SPAST: variants seen among roughly 807,000 people sequenced by gnomAD.
The protein encoded by SPAST is spastic paraplegia 4 (autosomal dominant; spastin).
SPAST carries 30 observed loss-of-function variants against 76.6 expected under a neutral mutation model. That is an observed-to-expected ratio of 0.39 (90% CI 0.29 to 0.53). The LOEUF is 0.53. Among genes scored for constraint, SPAST ranks in the 20% least tolerant of loss-of-function variants. The pLI is 0.68. For synonymous variants in SPAST, 305 were observed against 281.0 expected (o/e 1.09, Z -0.86); for missense variants, 717 against 770.5 (o/e 0.93, Z 0.82).
At chr2:32,116,096 C>A in intron 6 of SPAST, 23 bp from the exon 7 acceptor site, 1 of 1,550,462 alleles carries the variant, frequency 6.4e-7, no homozygotes, top group Non-Finnish European at 8.9e-7. Flanking sequence ...TATCGTAGAA[C>A]TAACTGAGGT....
chr2:32,089,199 A>ATTTTTTTT (rs375585004), intron 2 of SPAST, among the ~76,000 whole-genome samples: 7 of 89,888 alleles, frequency 7.8e-5, no homozygotes, highest in Admixed American at 2.4e-4. Flanking sequence ...TGCTCGGCTA[A>ATTTTTTTT]TTTTTTTTTT....
intron 1 of SPAST, among the ~76,000 whole-genome samples, chr2:32,069,548 T>TG (rs1676663504): frequency 7.2e-6 from 1 of 139,150 alleles, no homozygotes; most frequent in Non-Finnish European, 1.6e-5. Context: ...CAACATGACT[T>TG]ATCTTTTTTT....
chr2:32,116,319 A>G (rs924962466), intron 7 of SPAST, 107 bp downstream of exon 7: 97 of 739,174 alleles, frequency 1.3e-4, no homozygotes, highest in South Asian at 2.0e-4. Context: ...ATTAATTCAT[A>G]TAAGGTAACA....
intron 1 of SPAST, among the ~76,000 whole-genome samples, chr2:32,076,788 C>G (rs1206971290): frequency 6.6e-6 from 1 of 151,992 alleles, no homozygotes; most frequent in Non-Finnish European, 1.5e-5. Flanking sequence ...ACTCGAGCTC[C>G]TTGGCTTAAG....
At chr2:32,129,868 A>C (rs527699147) in intron 9 of SPAST, 1 of 152,214 alleles carries the variant, frequency 6.6e-6, no homozygotes, top group East Asian at 1.9e-4. Context: ...GTGTGGTGGC[A>C]TGCACCTGTA....
intron 1 of SPAST, among the ~76,000 whole-genome samples, chr2:32,085,126 T>C (rs553624541): frequency 6.6e-6 from 1 of 151,716 alleles, no homozygotes; most frequent in East Asian, 1.9e-4. Flanking sequence ...GTTTTCTTTA[T>C]GGAAAACAGG....
At chr2:32,125,482 C>T (rs1048963236) in intron 7 of SPAST, among the ~76,000 whole-genome samples, 1 of 152,082 alleles carries the variant, frequency 6.6e-6, no homozygotes, top group Non-Finnish European at 1.5e-5. Context: ...CTCGGCCTCC[C>T]AAAGTGCTGT....
intron 1 of SPAST, among the ~76,000 whole-genome samples, chr2:32,081,744 A>G (rs865911266): frequency 1.5e-5 from 2 of 131,578 alleles, no homozygotes; most frequent in South Asian, 2.7e-4. Flanking sequence ...AGATCATACC[A>G]TTTCACTCCA....
At chr2:32,121,153 T>A (rs1679003350) in intron 7 of SPAST, among the ~76,000 whole-genome samples, 1 of 152,160 alleles carries the variant, frequency 6.6e-6, no homozygotes, top group South Asian at 2.1e-4. Flanking sequence ...TCTTTCTTTT[T>A]TTAGGTGGGG....
At chr2:32,084,043 G>T (rs1677372363) in intron 1 of SPAST, among the ~76,000 whole-genome samples, 1 of 151,372 alleles carries the variant, frequency 6.6e-6, no homozygotes, top group Non-Finnish European at 1.5e-5. Context: ...CCTCCCAAAA[G>T]TGCTGGGATT....
chr2:32,138,154 T>C (rs779457673), intron 12 of SPAST, among the ~76,000 whole-genome samples: 8 of 152,242 alleles, frequency 5.3e-5, no homozygotes, highest in Non-Finnish European at 8.8e-5. Flanking sequence ...TATAATGATC[T>C]ATTTTCCTTT....
intron 7 of SPAST, among the ~76,000 whole-genome samples, chr2:32,120,525 C>A (rs149479175): frequency 2.0e-5 from 3 of 148,256 alleles, no homozygotes; most frequent in African/African-American, 4.9e-5. Flanking sequence ...CCATTTCAGT[C>A]TAATTTCCAC....
intron 3 of SPAST, among the ~76,000 whole-genome samples, chr2:32,097,696 T>TTC (rs1056242411): frequency 3.2e-5 from 4 of 123,434 alleles, no homozygotes; most frequent in African/African-American, 1.2e-4. Context: ...TTTTTTTCTT[T>TTC]TCTTTTTTTT....
intron 1 of SPAST, chr2:32,065,859 T>C (rs1023751890): frequency 6.6e-6 from 1 of 152,204 alleles, no homozygotes; most frequent in Non-Finnish European, 1.5e-5. Flanking sequence ...GAGGCAGTTA[T>C]TCATTGTTTT....
At chr2:32,129,428 T>C (rs1473450158) in intron 9 of SPAST, 1 of 152,180 alleles carries the variant, frequency 6.6e-6, no homozygotes, top group East Asian at 1.9e-4. Context: ...TTTATAATTT[T>C]GTTTTCTTTT....
intron 12 of SPAST, 78 bp downstream of exon 12, chr2:32,137,266 C>T (rs1183371194): frequency 3.5e-6 from 4 of 1,130,234 alleles, no homozygotes; most frequent in East Asian, 2.4e-5. Flanking sequence ...ATATTATTTC[C>T]TTACTCTCAG....
chr2:32,068,225 G>A (rs1002174721), intron 1 of SPAST, among the ~76,000 whole-genome samples: 5 of 151,828 alleles, frequency 3.3e-5, no homozygotes, highest in African/African-American at 7.3e-5. Context: ...TGATCCACCC[G>A]CCTCGGCCTC....
intron 7 of SPAST, among the ~76,000 whole-genome samples, chr2:32,117,319 A>C (rs1281105851): frequency 1.3e-5 from 2 of 151,938 alleles, no homozygotes. Context: ...AGAGAAGGAA[A>C]TCAGGCAGGT....
intron 1 of SPAST, among the ~76,000 whole-genome samples, chr2:32,083,266 A>C (rs2148704968): frequency 1.3e-5 from 2 of 152,126 alleles, no homozygotes; most frequent in Middle Eastern, 3.4e-3. Flanking sequence ...TCCTGTTTTT[A>C]AATTTTATGA....
Sources: allele counts gnomAD v4.1 joint callset (sites outside exome capture counted in the v4.1 genomes callset), GRCh38; gene constraint gnomAD v4.1.1; transcripts MANE v1.5; gene names NCBI Gene and HGNC (gene_info 2026-07-23, HGNC 2026-07-21).